Variants in FOXO1 observed in about 807,000 individuals in gnomAD.
FOXO1 encodes forkhead box protein O1.
In FOXO1, 6 loss-of-function variants were observed where a neutral mutation model predicts 44.1. The ratio of observed to expected loss-of-function variants is 0.14; its 90% CI spans 0.07 to 0.27. FOXO1 has a LOEUF of 0.27. Among genes scored for constraint, FOXO1 ranks in the 10% least tolerant of loss-of-function variants. FOXO1 has a pLI of 1.00. For missense variants in FOXO1, 737 were observed against 888.8 expected (o/e 0.83, Z 2.17); for synonymous variants, 380 against 362.7 (o/e 1.05, Z -0.54).
At chr13:40,634,867 A>T (rs1331622459) in intron 1 of FOXO1, among the ~76,000 whole-genome samples, 1 of 151,942 alleles carries the variant, frequency 6.6e-6, no homozygotes. Context: ...TAGTAGAGAT[A>T]GGGTTTCACC....
At position 40,558,320 on chromosome 13, in the gene FOXO1, T is replaced by C. The variant is rs903679846; in HGVS notation, c.*729A>G. ...CATCAAAAATCATTTATCTGGAAATTAGAACCATTTAAATGTTTGTACAAA... is the reference window on the plus strand; with the variant it reads ...CATCAAAAATCATTTATCTGGAAATCAGAACCATTTAAATGTTTGTACAAA... On this transcript the variant is annotated 3_prime_UTR_variant, in exon 3 of 3. Coordinates refer to ENST00000379561, the MANE Select transcript of FOXO1 (RefSeq NM_002015.4). 3 of 152,652 alleles carry C rather than the reference T, an allele frequency of 2.0e-5. No homozygotes were observed. The highest frequency in any genetic ancestry group is 2.1e-4 in the South Asian group (1 of 4,828). 9.5% of individuals were successfully genotyped at this position (152,652 alleles called of 1,614,324 possible).
Position 40,557,714 on chromosome 13 carries a change from C to G in FOXO1, c.*1335G>C, listed in dbSNP as rs1161955798. On this transcript the variant is annotated 3_prime_UTR_variant, in exon 3 of 3. Coordinates refer to ENST00000379561, the MANE Select transcript of FOXO1 (RefSeq NM_002015.4). ...ACCTCCACCTGGACTGAAACAAGAG[C>G]AAAGAATTATGAGGGGAAACTTTTG... 6.6e-6 allele frequency: 1 copy of G among 152,200 alleles called. No homozygotes were observed. Among genetic ancestry groups the G allele is most frequent in the South Asian group, 2.1e-4 (1 of 4,834 alleles). 9.4% of individuals were successfully genotyped at this position (152,200 alleles called of 1,614,324 possible).
chr13:40,633,899 T>A (rs1210169495), intron 1 of FOXO1, among the ~76,000 whole-genome samples: 1 of 152,212 alleles, frequency 6.6e-6, no homozygotes, highest in African/African-American at 2.4e-5. Flanking sequence ...GAAACTCAAC[T>A]TTCCTCACCA....
chr13:40,568,432 AAACTG>A (rs921614295), intron 1 of FOXO1, among the ~76,000 whole-genome samples: 2 of 152,218 alleles, frequency 1.3e-5, no homozygotes, highest in Non-Finnish European at 2.9e-5. Flanking sequence ...AAGTGAAAAC[AAACTG>A]AACTAGGAAA....
intron 1 of FOXO1, among the ~76,000 whole-genome samples, chr13:40,636,865 C>T (rs1243244341): frequency 6.6e-6 from 1 of 152,178 alleles, no homozygotes; most frequent in East Asian, 1.9e-4. Context: ...TGGTGGAGTA[C>T]AAGTGCTAGG....
At chr13:40,638,933 C>T (rs1877256106) in intron 1 of FOXO1, among the ~76,000 whole-genome samples, 1 of 152,194 alleles carries the variant, frequency 6.6e-6, no homozygotes, top group African/African-American at 2.4e-5. Context: ...GTGGCTCACG[C>T]CTATAATCCA....
intron 1 of FOXO1, among the ~76,000 whole-genome samples, chr13:40,610,772 A>T (rs1442738626): frequency 6.6e-6 from 1 of 152,258 alleles, no homozygotes; most frequent in Non-Finnish European, 1.5e-5. Context: ...AATATCTAGA[A>T]GGAAAAATAA....
At chr13:40,594,694 T>C (rs1875511991) in intron 1 of FOXO1, among the ~76,000 whole-genome samples, 1 of 152,038 alleles carries the variant, frequency 6.6e-6, no homozygotes, top group African/African-American at 2.4e-5. Context: ...CTACAGGAGA[T>C]TCTGTTTTAG....
chr13:40,634,569 G>A, intron 1 of FOXO1, among the ~76,000 whole-genome samples: 1 of 152,178 alleles, frequency 6.6e-6, no homozygotes, highest in East Asian at 1.9e-4. Context: ...TTCAGCCTGG[G>A]AGGCCAAGGC....
At chr13:40,634,895 C>G (rs775251526) in intron 1 of FOXO1, among the ~76,000 whole-genome samples, 15 of 152,078 alleles carry the variant, frequency 9.9e-5, no homozygotes, top group Admixed American at 5.2e-4. Flanking sequence ...CCAGGCTGGT[C>G]TCGAACTCCT....
Position 40,559,971 on chromosome 13 carries a change from T to C in FOXO1, c.1520A>G (p.Tyr507Cys), listed in dbSNP as rs2137821949. The change falls in exon 2 of 3, where the codon TAT becomes TGT. Residue 507 changes from tyrosine (Y) to cysteine (C), a missense_variant. By Grantham distance (194) the Tyr-to-Cys change is radical (BLOSUM62 -2). Around this residue, in one of 7 missense-constraint regions of FOXO1, gnomAD observed 283 missense variants for 278.1 expected, o/e 1.02. Transcript: ENST00000379561. ...MMGPNSVMSTYGSQASHNKMM... is the reference protein window; with the variant it reads ...MMGPNSVMSTCGSQASHNKMM... ...TTTGTTATGAGATGCCTGGCTGCCATAGGTTGACATGACCGAATTAGGGCC... is the reference window on the plus strand; with the variant it reads ...TTTGTTATGAGATGCCTGGCTGCCACAGGTTGACATGACCGAATTAGGGCC... 1 of 1,614,130 alleles carries C rather than the reference T, an allele frequency of 6.2e-7. No homozygotes were observed. The highest frequency in any genetic ancestry group is 2.2e-5 in the East Asian group (1 of 44,872).
intron 1 of FOXO1, among the ~76,000 whole-genome samples, chr13:40,590,644 C>T (rs571945654): frequency 6.6e-6 from 1 of 152,248 alleles, no homozygotes; most frequent in African/African-American, 2.4e-5. Context: ...CAAAGGCTCA[C>T]ACCTGTTTCA....
chr13:40,647,395 T>G (rs1256367940), intron 1 of FOXO1, among the ~76,000 whole-genome samples: 1 of 152,124 alleles, frequency 6.6e-6, no homozygotes, highest in Non-Finnish European at 1.5e-5. Flanking sequence ...ATGTGTCAAT[T>G]TATTTATTTC....
At chr13:40,634,663 C>A (rs1566081148) in intron 1 of FOXO1, among the ~76,000 whole-genome samples, 1 of 151,922 alleles carries the variant, frequency 6.6e-6, no homozygotes, top group African/African-American at 2.4e-5. Flanking sequence ...AAAAAGAAAG[C>A]AACAAAGGTG....
chr13:40,625,282 T>C (rs1047390246), intron 1 of FOXO1, among the ~76,000 whole-genome samples: 6 of 152,186 alleles, frequency 3.9e-5, no homozygotes, highest in Admixed American at 3.9e-4. Context: ...ATACTAATGA[T>C]TGAGTACTAA....
chr13:40,665,475 C>G, intron 1 of FOXO1, 108 bp downstream of exon 1: 1 of 1,003,218 alleles, frequency 1.0e-6, no homozygotes, highest in Non-Finnish European at 1.3e-6. Context: ...CTCCTGGGAA[C>G]GCGCTGCCCT....
intron 1 of FOXO1, among the ~76,000 whole-genome samples, chr13:40,656,097 T>C (rs183464305): frequency 6.6e-6 from 1 of 152,224 alleles, no homozygotes; most frequent in Non-Finnish European, 1.5e-5. Context: ...GTTAATACAT[T>C]CAGTCCTATT....
chr13:40,631,294 A>C (rs1232616691), intron 1 of FOXO1, among the ~76,000 whole-genome samples: 1 of 152,232 alleles, frequency 6.6e-6, no homozygotes, highest in Non-Finnish European at 1.5e-5. Flanking sequence ...CTCATGGCAT[A>C]TACCAAAATC....
intron 1 of FOXO1, among the ~76,000 whole-genome samples, chr13:40,654,322 T>TAAAAAAAAAA (rs11344939): frequency 2.1e-4 from 10 of 48,198 alleles, no homozygotes; most frequent in African/African-American, 4.7e-4. Flanking sequence ...CTAAAAATAC[T>TAAAAAAAAAA]AAAAAAAAAA....
Sources: gnomAD v4.1 joint callset for allele counts (sites outside exome capture counted in the v4.1 genomes callset) on GRCh38, gnomAD v4.1.1 for gene constraint, gnomAD v4.1.1 regional missense constraint, MANE v1.5 for transcripts, NCBI Gene and HGNC (gene_info 2026-07-23, HGNC 2026-07-21) for gene names.